TENM3: variants seen among roughly 807,000 people sequenced by gnomAD.
TENM3 encodes teneurin-3.
TENM3 carries 63 observed loss-of-function variants against 255.1 expected under a neutral mutation model. The observed-to-expected ratio is 0.25, with a 90% CI of 0.20 to 0.30. The LOEUF (loss-of-function observed/expected upper bound fraction) is 0.30, where lower values mean the gene tolerates loss of function less well. TENM3 is among the 10% of genes least tolerant of loss of function. TENM3 has a pLI of 1.00. For missense variants in TENM3, 2,929 were observed against 3,461.1 expected (o/e 0.85, Z 3.86); for synonymous variants, 1,306 against 1,322.3 (o/e 0.99, Z 0.27).
the TENM3 span, among the ~76,000 whole-genome samples, chr4:181,743,231 G>A: frequency 1.3e-5 from 2 of 152,162 alleles, no homozygotes; most frequent in Non-Finnish European, 2.9e-5. Context: ...TTTAGTTCTA[G>A]ATCCCTGAGG....
the TENM3 span, among the ~76,000 whole-genome samples, chr4:181,533,015 T>C: frequency 3.6e-4 from 55 of 152,316 alleles, no homozygotes; most frequent in African/African-American, 1.3e-3. Flanking sequence ...ACTAACAGCA[T>C]TTTACAAACG....
At chr4:182,742,022 T>G (rs6552603) in intron 18 of TENM3, among the ~76,000 whole-genome samples, 108,727 of 152,086 alleles carry the variant, frequency 0.71, 39,439 homozygotes, top group East Asian at 0.91. Flanking sequence ...TCTGAGAACT[T>G]CTTTGGAACA....
chr4:182,002,529 T>C, the TENM3 span, among the ~76,000 whole-genome samples: 4 of 152,134 alleles, frequency 2.6e-5, no homozygotes, highest in African/African-American at 7.2e-5. Flanking sequence ...TCTCCTGTGA[T>C]GGTAATACTG....
intron 16 of TENM3, among the ~76,000 whole-genome samples, chr4:182,732,946 A>G (rs13435237): frequency 0.14 from 21,966 of 152,192 alleles, 2,157 homozygotes; most frequent in African/African-American, 0.27. Flanking sequence ...TATTTCTTGA[A>G]AACCCGTTCT....
At chr4:181,925,070 T>G in the TENM3 span, among the ~76,000 whole-genome samples, 1 of 152,044 alleles carries the variant, frequency 6.6e-6, no homozygotes, top group East Asian at 1.9e-4. Flanking sequence ...TGAAGACTGG[T>G]GGAAATATGA....
At chr4:182,022,974 G>T in the TENM3 span, among the ~76,000 whole-genome samples, 4 of 152,182 alleles carry the variant, frequency 2.6e-5, no homozygotes. Flanking sequence ...AAATATAAAA[G>T]CTTGCCCTGA....
chr4:181,790,848 G>C, the TENM3 span, among the ~76,000 whole-genome samples: 5 of 152,132 alleles, frequency 3.3e-5, no homozygotes, highest in Non-Finnish European at 7.3e-5. Context: ...GAAATTTCTG[G>C]TGATATTTAG....
At chr4:182,505,523 G>A (rs936083123) in intron 3 of TENM3, among the ~76,000 whole-genome samples, 1 of 151,694 alleles carries the variant, frequency 6.6e-6, no homozygotes, top group African/African-American at 2.4e-5. Context: ...TTATTGCCCA[G>A]GCTGGAGTGC....
chr4:181,787,230 G>C, the TENM3 span, among the ~76,000 whole-genome samples: 1 of 151,994 alleles, frequency 6.6e-6, no homozygotes, highest in East Asian at 1.9e-4. Flanking sequence ...AAGACTGACA[G>C]AACAGACTCT....
chr4:181,679,353 A>G, the TENM3 span, among the ~76,000 whole-genome samples: 1 of 150,100 alleles, frequency 6.7e-6, no homozygotes, highest in East Asian at 2.0e-4. Flanking sequence ...TCATTGATCA[A>G]TTAAACTCCT....
chr4:182,793,056 T>C lies in TENM3; in HGVS notation c.6384T>C (p.Tyr2128=), dbSNP rs1321397563. The C allele has an allele frequency of 1.9e-6, 3 of 1,613,768 alleles. No homozygotes were observed. Among genetic ancestry groups the C allele is most frequent in the African/African-American group, 1.3e-5 (1 of 74,864 alleles). The change falls in exon 26 of 28, where the codon TAT becomes TAC. Residue 2128 remains tyrosine (Y), a synonymous_variant. Transcript: ENST00000511685. This position sits in a 1 kb window ranked among gnomAD's most constrained non-coding sequence, Gnocchi z 5.7. The part of the protein sequence containing the change: ...KIGPFANTTK[Y]AYEYDVDGQL... ...GGCCCTTTGCCAACACCACCAAATA[T>C]GCTTATGAATATGATGTTGATGGAC... is the stretch of plus-strand genomic sequence containing the variant.
chr4:182,308,965 CGCTAGCCAG>C (rs1762289413), intron 1 of TENM3, among the ~76,000 whole-genome samples: 1 of 152,180 alleles, frequency 6.6e-6, no homozygotes, highest in South Asian at 2.1e-4. Context: ...GCACACAGAC[CGCTAGCCAG>C]GCTGGCTGTT....
chr4:182,100,652 TATATACAC>T, the TENM3 span, among the ~76,000 whole-genome samples: 1 of 38,236 alleles, frequency 2.6e-5, no homozygotes, highest in Non-Finnish European at 5.1e-5. Flanking sequence ...TATATACACA[TATATACAC>T]ATATATACAC....
chr4:182,370,336 C>G (rs1766721368), intron 3 of TENM3, among the ~76,000 whole-genome samples: 1 of 152,192 alleles, frequency 6.6e-6, no homozygotes, highest in Non-Finnish European at 1.5e-5. Flanking sequence ...AGAACTTAAA[C>G]TAATACAGCA....
intron 3 of TENM3, among the ~76,000 whole-genome samples, chr4:182,376,386 C>T (rs1049010383): frequency 1.3e-5 from 2 of 152,152 alleles, no homozygotes; most frequent in Non-Finnish European, 2.9e-5. Context: ...CATCTTGTGA[C>T]TAATTGTCGA....
chr4:181,924,231 C>T, the TENM3 span, among the ~76,000 whole-genome samples: 3 of 152,234 alleles, frequency 2.0e-5, no homozygotes, highest in East Asian at 3.9e-4. Context: ...GCATCCATCT[C>T]GTCCCTCCAC....
the TENM3 span, among the ~76,000 whole-genome samples, chr4:181,456,083 C>T: frequency 2.7e-5 from 4 of 147,250 alleles, no homozygotes; most frequent in African/African-American, 1.0e-4. Context: ...GAAAGATTTA[C>T]TTGGTAAATA....
Position 182,448,948 on chromosome 4 carries a change from A to T in TENM3, c.511+102019A>T, listed in dbSNP as rs552192689. 2.6e-3 allele frequency: 1,007 copies of T among 389,930 alleles called. 5 individuals carry two copies. The highest frequency in any genetic ancestry group is 0.025 in the Admixed American group (843 of 34,090). The allele number at this position is 389,930 out of a possible 1,614,324, so 24.2% of individuals were successfully genotyped here. On this transcript the variant is annotated intron_variant, in intron 3 of 27. Transcript: ENST00000511685. Reference sequence around the variant, plus strand: ...GGCCGGGTGTAAACAGAGGAGCCTCAGCCTATCATGTCTGGCCGCCGCGCG... The same window carrying T: ...GGCCGGGTGTAAACAGAGGAGCCTCTGCCTATCATGTCTGGCCGCCGCGCG...
At chr4:181,570,757 A>G in the TENM3 span, among the ~76,000 whole-genome samples, 4 of 152,116 alleles carry the variant, frequency 2.6e-5, no homozygotes, top group Non-Finnish European at 4.4e-5. Flanking sequence ...GATTGGTGTG[A>G]GTTGGGGTCC....
Sources: gnomAD v4.1 joint callset for allele counts (sites outside exome capture counted in the v4.1 genomes callset) on GRCh38, gnomAD v4.1.1 for gene constraint, Gnocchi (gnomAD v3.1) non-coding constraint, MANE v1.5 for transcripts, NCBI Gene and HGNC (gene_info 2026-07-23, HGNC 2026-07-21) for gene names.